SLX4IP: variants seen among roughly 807,000 people sequenced by gnomAD.
The protein encoded by SLX4IP is protein SLX4IP.
In SLX4IP, 34 loss-of-function variants were observed where a neutral mutation model predicts 32.9. That is an observed-to-expected ratio of 1.03 (90% CI 0.79 to 1.38). The LOEUF is 1.38. Ranked by LOEUF, SLX4IP falls within the 40% of genes most tolerant of loss-of-function variation. The pLI, the probability that SLX4IP is intolerant of heterozygous loss-of-function variation, is 0.00. For missense variants in SLX4IP, 444 were observed against 479.0 expected (o/e 0.93, Z 0.68); for synonymous variants, 172 against 171.7 (o/e 1.00, Z -0.01).
chr20:10,508,336 G>A (rs1268383314), intron 2 of SLX4IP, among the ~76,000 whole-genome samples: 2 of 152,220 alleles, frequency 1.3e-5, no homozygotes, highest in Non-Finnish European at 2.9e-5. Flanking sequence ...TAGCATTCCT[G>A]TAGCATGATT....
At chr20:10,516,129 C>G (rs1809388583) in intron 2 of SLX4IP, among the ~76,000 whole-genome samples, 1 of 152,192 alleles carries the variant, frequency 6.6e-6, no homozygotes, top group South Asian at 2.1e-4. Flanking sequence ...CTCAAGGGAG[C>G]TGCCTACCTC....
intron 3 of SLX4IP, 103 bp downstream of exon 3, chr20:10,556,423 G>T (rs1025702509): frequency 8.6e-7 from 1 of 1,160,918 alleles, no homozygotes. Flanking sequence ...AAAAAATGTT[G>T]CGTATTTAAT....
chr20:10,481,200 C>T (rs1568701597), intron 2 of SLX4IP, among the ~76,000 whole-genome samples: 1 of 151,658 alleles, frequency 6.6e-6, no homozygotes, highest in African/African-American at 2.4e-5. Flanking sequence ...GTTTTGTTAC[C>T]TGGATATATT....
intron 6 of SLX4IP, among the ~76,000 whole-genome samples, chr20:10,616,787 T>TTAGA (rs750447832): frequency 1.5e-4 from 23 of 152,324 alleles, no homozygotes; most frequent in Non-Finnish European, 2.8e-4. Context: ...CCATGGCCCT[T>TTAGA]TAGATGTTTA....
At chr20:10,489,919 T>A (rs911828799) in intron 2 of SLX4IP, among the ~76,000 whole-genome samples, 3 of 152,224 alleles carry the variant, frequency 2.0e-5, no homozygotes, top group African/African-American at 7.2e-5. Context: ...TGCAAATGTT[T>A]AAATCTGGTC....
At chr20:10,478,487 G>A (rs915840547) in intron 2 of SLX4IP, among the ~76,000 whole-genome samples, 3 of 152,154 alleles carry the variant, frequency 2.0e-5, no homozygotes, top group Admixed American at 6.5e-5. Context: ...GATGAAGATC[G>A]AAACTCTAGC....
chr20:10,619,841 A>G (rs942007856), intron 6 of SLX4IP, among the ~76,000 whole-genome samples: 2 of 152,200 alleles, frequency 1.3e-5, no homozygotes, highest in African/African-American at 4.8e-5. Context: ...TTGGCCAACT[A>G]GTAAGTCTTA....
intron 2 of SLX4IP, among the ~76,000 whole-genome samples, chr20:10,489,377 C>A (rs2065601239): frequency 6.6e-6 from 1 of 152,180 alleles, no homozygotes; most frequent in African/African-American, 2.4e-5. Context: ...CCACAAGATA[C>A]ATTTTAAATA....
chr20:10,603,137 G>C (rs944726116), intron 6 of SLX4IP, among the ~76,000 whole-genome samples: 3 of 152,206 alleles, frequency 2.0e-5, no homozygotes, highest in African/African-American at 7.2e-5. Context: ...AACTGATTCA[G>C]AGCAAGGAAG....
chr20:10,518,058 G>A (rs1291197373), intron 2 of SLX4IP, among the ~76,000 whole-genome samples: 2 of 152,136 alleles, frequency 1.3e-5, no homozygotes, highest in Admixed American at 6.5e-5. Flanking sequence ...ATAGCTAATG[G>A]AGGCTGGGCC....
chr20:10,459,880 G>A (rs531315188), intron 2 of SLX4IP, among the ~76,000 whole-genome samples: 2 of 152,230 alleles, frequency 1.3e-5, no homozygotes, highest in South Asian at 2.1e-4. Context: ...GTTTCTTTAG[G>A]ACATTTTCTG....
At chr20:10,499,301 A>T (rs190067928) in intron 2 of SLX4IP, among the ~76,000 whole-genome samples, 183 of 152,344 alleles carry the variant, frequency 1.2e-3, no homozygotes, top group African/African-American at 4.3e-3. Flanking sequence ...CAACATACAT[A>T]CACAATATGC....
chr20:10,545,576 G>A (rs962020194), intron 2 of SLX4IP, among the ~76,000 whole-genome samples: 26 of 152,194 alleles, frequency 1.7e-4, no homozygotes, highest in Non-Finnish European at 5.9e-5. Flanking sequence ...GAGAGTACCT[G>A]TCATAGCTTT....
At chr20:10,571,218 G>A (rs1011599804) in intron 4 of SLX4IP, among the ~76,000 whole-genome samples, 5 of 152,156 alleles carry the variant, frequency 3.3e-5, no homozygotes, top group Non-Finnish European at 7.3e-5. Context: ...TTCGGGCACC[G>A]AGCAGTCTGG....
At chr20:10,535,047 G>C (rs1455115070) in intron 2 of SLX4IP, among the ~76,000 whole-genome samples, 1 of 152,132 alleles carries the variant, frequency 6.6e-6, no homozygotes, top group Non-Finnish European at 1.5e-5. Context: ...ATGAGGTTTG[G>C]GGTGTGGAGG....
intron 2 of SLX4IP, among the ~76,000 whole-genome samples, chr20:10,507,736 G>T (rs1769976240): frequency 6.6e-6 from 1 of 151,594 alleles, no homozygotes; most frequent in South Asian, 2.1e-4. Context: ...TGAGATATTT[G>T]GAAAATGCAA....
intron 6 of SLX4IP, chr20:10,613,556 C>T: frequency 6.2e-7 from 1 of 1,612,278 alleles, no homozygotes; most frequent in South Asian, 1.1e-5. Flanking sequence ...TTTGTCTGCT[C>T]TGAATGGCTG....
chr20:10,518,976 T>C lies in SLX4IP; in HGVS notation c.28-37255T>C, dbSNP rs146995354. On this transcript the variant is annotated intron_variant, in intron 2 of 7. Coordinates refer to ENST00000334534, the MANE Select transcript of SLX4IP (RefSeq NM_001009608.3). ...TGATATTCTTTCCTGCCTGGTGTTCTGAAAGTAACATTGTTATAAATTAAT... is the reference window on the plus strand; with the variant it reads ...TGATATTCTTTCCTGCCTGGTGTTCCGAAAGTAACATTGTTATAAATTAAT... Among the ~76,000 whole-genome samples, 1,409 of 152,338 alleles carry C rather than the reference T, an allele frequency of 9.2e-3. 27 individuals are homozygous for C. Among genetic ancestry groups the C allele is most frequent in the African/African-American group, 0.032 (1,335 of 41,566 alleles).
intron 4 of SLX4IP, among the ~76,000 whole-genome samples, chr20:10,581,863 A>G (rs904011861): frequency 1.3e-5 from 2 of 152,198 alleles, no homozygotes; most frequent in Non-Finnish European, 2.9e-5. Flanking sequence ...TTGATGCTGC[A>G]GTGAGCTATG....
Sources: allele counts gnomAD v4.1 joint callset (sites outside exome capture counted in the v4.1 genomes callset), GRCh38; gene constraint gnomAD v4.1.1; transcripts MANE v1.5; gene names NCBI Gene and HGNC (gene_info 2026-07-23, HGNC 2026-07-21).